TSPAN18: variants seen among roughly 807,000 people sequenced by gnomAD.
The protein encoded by TSPAN18 is tetraspanin 18, also known as tetraspanin-18.
In TSPAN18, 14 loss-of-function variants were observed where a neutral mutation model predicts 27.3. That is an observed-to-expected ratio of 0.51 (90% CI 0.34 to 0.80). TSPAN18 has a LOEUF of 0.80. Among genes scored for constraint, TSPAN18 ranks in the 30% least tolerant of loss-of-function variants. The pLI, the probability that TSPAN18 is intolerant of heterozygous loss-of-function variation, is 0.01. For synonymous variants in TSPAN18, 143 were observed against 136.5 expected (o/e 1.05, Z -0.33); for missense variants, 268 against 323.9 (o/e 0.83, Z 1.32).
chr11:44,891,888 C>T (rs550958898), intron 3 of TSPAN18, among the ~76,000 whole-genome samples: 20 of 152,280 alleles, frequency 1.3e-4, no homozygotes, highest in African/African-American at 1.7e-4. Context: ...AACAAAAGCA[C>T]GAACGTAGGC....
At chr11:44,756,497 G>A (rs911378240) in intron 1 of TSPAN18, among the ~76,000 whole-genome samples, 9 of 152,008 alleles carry the variant, frequency 5.9e-5, no homozygotes, top group Admixed American at 5.2e-4. Context: ...AACCGTCCAT[G>A]CCATCCATCT....
intron 5 of TSPAN18, chr11:44,917,576 CAAGG>C (rs1198311839): frequency 6.2e-6 from 1 of 160,420 alleles, no homozygotes. Context: ...TGGGGATCCC[CAAGG>C]CACTCAGGAT....
chr11:44,756,296 A>G (rs1012517183), intron 1 of TSPAN18, among the ~76,000 whole-genome samples: 1 of 142,878 alleles, frequency 7.0e-6, no homozygotes, highest in Non-Finnish European at 1.5e-5. Context: ...GTTCTTTGTG[A>G]GAACAAAAAG....
chr11:44,726,656 C>T (rs1027020725), upstream of TSPAN18: 1 of 151,936 alleles, frequency 6.6e-6, no homozygotes, highest in African/African-American at 2.4e-5. Flanking sequence ...TCCCCACTCC[C>T]GCAACGATCT....
intron 2 of TSPAN18, among the ~76,000 whole-genome samples, chr11:44,850,756 T>C (rs1670301): frequency 0.55 from 82,870 of 151,536 alleles, 23,675 homozygotes; most frequent in Non-Finnish European, 0.62. Flanking sequence ...CAGCCCCACT[T>C]ATCCAGGAAG....
intron 2 of TSPAN18, among the ~76,000 whole-genome samples, chr11:44,847,784 T>A (rs142430634): frequency 6.6e-6 from 1 of 152,080 alleles, no homozygotes; most frequent in South Asian, 2.1e-4. Flanking sequence ...GGGAAGGGGT[T>A]TGAAGATTAA....
At chr11:44,885,093 A>G (rs1031335718) in intron 3 of TSPAN18, among the ~76,000 whole-genome samples, 1 of 152,216 alleles carries the variant, frequency 6.6e-6, no homozygotes, top group Non-Finnish European at 1.5e-5. Context: ...GATGGATACA[A>G]TATGGCGCCA....
chr11:44,728,080 G>A (rs1039072420), intron 1 of TSPAN18, among the ~76,000 whole-genome samples: 4 of 152,186 alleles, frequency 2.6e-5, no homozygotes, highest in Non-Finnish European at 4.4e-5. Flanking sequence ...CAACCGCGCC[G>A]ACATCCAGGA....
chr11:44,855,648 C>T (rs1038525323), intron 2 of TSPAN18, among the ~76,000 whole-genome samples: 7 of 151,982 alleles, frequency 4.6e-5, no homozygotes, highest in African/African-American at 1.7e-4. Context: ...GTCAAGCTGA[C>T]ACCTCAAATT....
At chr11:44,805,285 G>T (rs1241804281) in intron 2 of TSPAN18, among the ~76,000 whole-genome samples, 1 of 152,236 alleles carries the variant, frequency 6.6e-6, no homozygotes, top group Non-Finnish European at 1.5e-5. Flanking sequence ...AGGAAAGCCA[G>T]GGAGAACGTA....
intron 2 of TSPAN18, among the ~76,000 whole-genome samples, chr11:44,849,569 G>A (rs1857554750): frequency 6.6e-6 from 1 of 152,150 alleles, no homozygotes; most frequent in Non-Finnish European, 1.5e-5. Context: ...GGCCTCCCAG[G>A]GATCTCTGAG....
At chr11:44,877,854 C>T (rs1590618644) in intron 3 of TSPAN18, among the ~76,000 whole-genome samples, 1 of 152,160 alleles carries the variant, frequency 6.6e-6, no homozygotes, top group Non-Finnish European at 1.5e-5. Flanking sequence ...CCACGGCTTT[C>T]TACCTTTAGG....
In TSPAN18 at chr11:44,905,432, C is replaced by T. The variant is rs539154708; in HGVS notation, c.-10-975C>T. Among the ~76,000 whole-genome samples, 7 of 152,304 alleles carry T rather than the reference C, an allele frequency of 4.6e-5. No homozygotes were observed. In the East Asian group the frequency reaches 7.7e-4, roughly 17 times the overall value. ...CTTCCCCTTACTAGCTGTGGGACAT[C>T]GGACATGTCGTTTTCATTCTGAGTC... On this transcript the variant is annotated intron_variant, in intron 3 of 9. Transcript: ENST00000520358.
At chr11:44,731,410 A>G (rs985486402) in intron 1 of TSPAN18, among the ~76,000 whole-genome samples, 1 of 152,124 alleles carries the variant, frequency 6.6e-6, no homozygotes, top group Non-Finnish European at 1.5e-5. Flanking sequence ...AACTAGTAAT[A>G]CCCCATCAGA....
chr11:44,930,936 G>C lies in TSPAN18; in HGVS notation c.*1758G>C, dbSNP rs757707085. On this transcript the variant is annotated 3_prime_UTR_variant, in exon 10 of 10. Transcript: ENST00000520358. Reference sequence around the variant, plus strand: ...TTCCAGCCTCCCCTCAGGCTTTCCAGTCACCAGGGACACTCGGAGCCACAG... The same window carrying C: ...TTCCAGCCTCCCCTCAGGCTTTCCACTCACCAGGGACACTCGGAGCCACAG... 2 of 518,246 alleles carry C rather than the reference G, an allele frequency of 3.9e-6. No homozygotes were observed. The highest frequency in any genetic ancestry group is 7.9e-6 in the Non-Finnish European group (2 of 252,592). The allele number at this position is 518,246 out of a possible 1,614,324, so 32.1% of individuals were successfully genotyped here.
chr11:44,729,172 G>A (rs748708846), intron 1 of TSPAN18, among the ~76,000 whole-genome samples: 4 of 152,246 alleles, frequency 2.6e-5, no homozygotes, highest in Admixed American at 2.6e-4. Context: ...AGAAGAGGAG[G>A]AGGAGAGAGG....
chr11:44,850,820 C>G (rs1857583120), intron 2 of TSPAN18, among the ~76,000 whole-genome samples: 1 of 152,046 alleles, frequency 6.6e-6, no homozygotes, highest in East Asian at 1.9e-4. Context: ...TGGCCTTATC[C>G]CAGGTACAGG....
chr11:44,840,219 T>C (rs1331102942), intron 2 of TSPAN18, among the ~76,000 whole-genome samples: 1 of 152,170 alleles, frequency 6.6e-6, no homozygotes, highest in Non-Finnish European at 1.5e-5. Flanking sequence ...TTAAGGAGAC[T>C]GTTTGGCGAG....
chr11:44,845,860 G>T (rs1857469251), intron 2 of TSPAN18, among the ~76,000 whole-genome samples: 1 of 152,218 alleles, frequency 6.6e-6, no homozygotes, highest in South Asian at 2.1e-4. Context: ...ACCTGGTAGG[G>T]TGAGCCATCG....
Sources: allele counts gnomAD v4.1 joint callset (sites outside exome capture counted in the v4.1 genomes callset), GRCh38; gene constraint gnomAD v4.1.1; transcripts MANE v1.5; gene names NCBI Gene and HGNC (gene_info 2026-07-23, HGNC 2026-07-21).